The following OSR2 variants were observed in gnomAD, a reference collection of about 807,000 sequenced individuals.
OSR2 encodes the protein odd-skipped related transciption factor 2.
In OSR2, 8 loss-of-function variants were observed where a neutral mutation model predicts 22.3. The ratio of observed to expected loss-of-function variants is 0.36; its 90% CI spans 0.21 to 0.65. The LOEUF (loss-of-function observed/expected upper bound fraction) is 0.65, where lower values mean the gene tolerates loss of function less well. Ranked by LOEUF, OSR2 falls within the 30% of genes least tolerant of loss-of-function variation. OSR2 has a pLI of 0.66. For synonymous variants in OSR2, 179 were observed against 173.8 expected (o/e 1.03, Z -0.23); for missense variants, 311 against 413.4 (o/e 0.75, Z 2.15).
Position 98,948,158 on chromosome 8 carries a change from C to T in OSR2, c.-114-681C>T. 7 of 1,382,378 alleles carry T rather than the reference C, an allele frequency of 5.1e-6. No homozygotes were observed. Among genetic ancestry groups the T allele is most frequent in the Non-Finnish European group, 6.5e-6 (7 of 1,071,698 alleles). The allele number at this position is 1,382,378 out of a possible 1,614,324, so 85.6% of individuals were successfully genotyped here. A position where few individuals can be genotyped will look rare whatever the true frequency, so the allele number is the denominator to read the frequency against. On this transcript the variant is annotated intron_variant, in intron 1 of 3. Transcript: ENST00000297565. This position sits in a 1 kb window ranked among gnomAD's most constrained non-coding sequence, Gnocchi z 6.0. ...GGTGTCACTTTTCTTTCCTGCGGCC[C>T]GTCACCGCTGATAGATGGGGCTGAG...
chr8:98,948,356 T>C lies in OSR2; in HGVS notation c.-114-483T>C. On this transcript the variant is annotated intron_variant, in intron 1 of 3. Coordinates refer to ENST00000297565, the MANE Select transcript of OSR2 (RefSeq NM_001142462.3). The surrounding 1 kb of genome is among the most constrained non-coding windows in gnomAD (Gnocchi z 6.0). The stretch of plus-strand genomic sequence containing the variant: ...CAGGGCGCGGCGGCAGCGCAGCGCG[T>C]GGGATCTCACGACCCATCCGTTAAC... 6.6e-7 allele frequency: 1 copy of C among 1,518,806 alleles called. No homozygotes were observed. Among genetic ancestry groups the C allele is most frequent in the Non-Finnish European group, 8.8e-7 (1 of 1,137,046 alleles). 94.1% of individuals were successfully genotyped at this position (1,518,806 alleles called of 1,614,324 possible).
chr8:98,946,753 A>G (rs1840623758), intron 1 of OSR2, among the ~76,000 whole-genome samples: 1 of 152,016 alleles, frequency 6.6e-6, no homozygotes, highest in Admixed American at 6.6e-5. Flanking sequence ...CCACTCCCCC[A>G]CATGCCCGCT....
At chr8:98,946,708 A>G (rs1840622792) in intron 1 of OSR2, among the ~76,000 whole-genome samples, 1 of 152,214 alleles carries the variant, frequency 6.6e-6, no homozygotes, top group African/African-American at 2.4e-5. Flanking sequence ...CCTTTGGTAT[A>G]GAAATCACAG....
intron 2 of OSR2, 82 bp from the exon 3 acceptor site, chr8:98,950,574 G>A (rs1034993818): frequency 2.4e-6 from 2 of 820,490 alleles, no homozygotes; most frequent in South Asian, 1.8e-5. Context: ...GTTCTTCCAC[G>A]ACTTCCTTTT....
intron 1 of OSR2, among the ~76,000 whole-genome samples, chr8:98,947,880 C>T (rs1028692790): frequency 6.6e-6 from 1 of 152,214 alleles, no homozygotes; most frequent in African/African-American, 2.4e-5. Flanking sequence ...TCTCTCCTCT[C>T]TCGTCTCCTG....
Position 98,948,032 on chromosome 8 carries a change from C to T in OSR2, c.-114-807C>T, listed in dbSNP as rs1021913035. 4.8e-6 allele frequency: 5 copies of T among 1,035,922 alleles called. No homozygotes were observed. The highest frequency in any genetic ancestry group is 6.3e-6 in the Non-Finnish European group (5 of 795,696). 64.2% of individuals were successfully genotyped at this position (1,035,922 alleles called of 1,614,324 possible). Reference sequence around the variant, plus strand: ...GACGTTCTCCGCCCCCACCCCACCCCCTGGGAGCCTGAACCATCTGGAAGG... The same window carrying T: ...GACGTTCTCCGCCCCCACCCCACCCTCTGGGAGCCTGAACCATCTGGAAGG... On this transcript the variant is annotated intron_variant, in intron 1 of 3. Transcript: ENST00000297565. The surrounding 1 kb of genome is among the most constrained non-coding windows in gnomAD (Gnocchi z 6.0).
Position 98,948,923 on chromosome 8 carries a change from GT to G in OSR2, c.-29del, listed in dbSNP as rs1564124114. ...CTCTGATTCCTGGAAGAAAGGGTTG[GT>G]CCCCTCAGCACCCCCAGCATCCCGG... On this transcript the variant is annotated 5_prime_UTR_variant, in exon 2 of 4. Coordinates refer to ENST00000297565, the MANE Select transcript of OSR2 (RefSeq NM_001142462.3). The surrounding 1 kb of genome is among the most constrained non-coding windows in gnomAD (Gnocchi z 6.0). The G allele has an allele frequency of 2.5e-6, 4 of 1,613,734 alleles. No individual in the cohort carries two copies. Among genetic ancestry groups the G allele is most frequent in the Admixed American group, 1.7e-5 (1 of 60,034 alleles).
Position 98,949,336 on chromosome 8 carries a change from G to C in OSR2, c.384G>C (p.Glu128Asp), listed in dbSNP as rs202146539. The C allele has an allele frequency of 1.2e-6, 2 of 1,613,274 alleles. No homozygotes were observed. The highest frequency in any genetic ancestry group is 1.1e-5 in the South Asian group (1 of 90,930). The change falls in exon 2 of 4, where the codon GAG becomes GAC. Residue 128 changes from glutamate (E) to aspartate (D), a missense_variant. Physicochemically the swap from Glu to Asp is conservative, Grantham distance 45 (BLOSUM62 2). Transcript: ENST00000297565. The surrounding 1 kb of genome is among the most constrained non-coding windows in gnomAD (Gnocchi z 5.9). ...FANLAVAATQ[E>D]DPPKMGDLSK... ...ATTTGGCGGTGGCTGCCACGCAAGA[G>C]GATCCGCCTAAGATGGGAGACCTGA... is the stretch of plus-strand genomic sequence containing the variant.
At position 98,949,262 on chromosome 8, in the gene OSR2, C is replaced by G. The variant is rs770443927; in HGVS notation, c.310C>G (p.His104Asp). 3.7e-6 allele frequency: 6 copies of G among 1,609,516 alleles called. No homozygotes were observed. Among genetic ancestry groups the G allele is most frequent in the Non-Finnish European group, 5.1e-6 (6 of 1,176,882 alleles). ...CCACCCCAAGCAGGGGGCCATTGCC[C>G]ACGTCCTCCCAGCCCTGCACAAGGA... Reference protein sequence around the residue: ...LFHPKQGAIAHVLPALHKDRP... With the variant: ...LFHPKQGAIADVLPALHKDRP... The change falls in exon 2 of 4, where the codon CAC becomes GAC. Residue 104 changes from histidine (H) to aspartate (D), a missense_variant. Around this residue, in one of 5 missense-constraint regions of OSR2, gnomAD observed 146 missense variants for 160.5 expected, o/e 0.91. Transcript: ENST00000297565. This position sits in a 1 kb window ranked among gnomAD's most constrained non-coding sequence, Gnocchi z 5.9.
At chr8:98,946,691 C>T (rs915777357) in intron 1 of OSR2, among the ~76,000 whole-genome samples, 8 of 152,060 alleles carry the variant, frequency 5.3e-5, no homozygotes, top group African/African-American at 1.7e-4. Context: ...TGGCAGAGTT[C>T]GCTGTGCCTT....
In OSR2 at chr8:98,951,447, G is replaced by A; in HGVS notation, c.757-72G>A. ...ATGTTAACGCTTGTGATAACGATAA[G>A]ACAGAAACTATTGAAAAGGGTGCAG... On this transcript the variant is annotated intron_variant, in intron 3 of 3. Coordinates refer to ENST00000297565, the MANE Select transcript of OSR2 (RefSeq NM_001142462.3). 5.7e-6 allele frequency: 8 copies of A among 1,403,756 alleles called. No homozygotes were observed. In the South Asian group the frequency reaches 1.1e-4, roughly 19 times the overall value. 87.0% of individuals were successfully genotyped at this position (1,403,756 alleles called of 1,614,324 possible).
intron 1 of OSR2, among the ~76,000 whole-genome samples, chr8:98,947,325 G>T (rs1840636264): frequency 6.6e-6 from 1 of 151,574 alleles, no homozygotes; most frequent in African/African-American, 2.4e-5. Context: ...CATTAGCGTA[G>T]CCCCCTAAGT....
rs778214462 is a variant in OSR2 at position 98,951,886 on chromosome 8, C to G, written c.*185C>G. 3.3e-6 allele frequency: 2 copies of G among 600,336 alleles called. No homozygotes were observed. Among genetic ancestry groups the G allele is most frequent in the Non-Finnish European group, 5.9e-6 (2 of 340,462 alleles). 37.2% of individuals were successfully genotyped at this position (600,336 alleles called of 1,614,324 possible). A position where few individuals can be genotyped will look rare whatever the true frequency, so the allele number is the denominator to read the frequency against. On this transcript the variant is annotated 3_prime_UTR_variant, in exon 4 of 4. Transcript: ENST00000297565. ...GGACTGAGAACTGTAGAAAGCCACA[C>G]ACTACTACATCCCTTCACAAAGAGT...
intron 1 of OSR2, among the ~76,000 whole-genome samples, chr8:98,945,108 G>C (rs886990422): frequency 6.6e-6 from 1 of 152,196 alleles, no homozygotes; most frequent in Non-Finnish European, 1.5e-5. Context: ...GCTGGTCTAC[G>C]TACACTGAGA....
Position 98,949,037 on chromosome 8 carries a change from A to T in OSR2, c.85A>T (p.Thr29Ser). The part of the protein sequence containing the change: ...TNYSFLQAVN[T>S]FPATVDHLQG... ...TTACTCCTTCCTGCAGGCCGTGAAC[A>T]CCTTCCCGGCCACGGTGGACCACCT... Residue 29 changes from threonine (T) to serine (S), a missense_variant, in exon 2 of 4, where the codon ACC (threonine) becomes TCC (serine). Physicochemically the swap from Thr to Ser is moderately conservative, Grantham distance 58. Transcript: ENST00000297565. The surrounding 1 kb of genome is among the most constrained non-coding windows in gnomAD (Gnocchi z 5.9). The T allele has an allele frequency of 6.2e-7, 1 of 1,613,818 alleles. No homozygotes were observed. Among genetic ancestry groups the T allele is most frequent in the Non-Finnish European group, 8.5e-7 (1 of 1,179,864 alleles).
Position 98,948,171 on chromosome 8 carries a change from A to G in OSR2, c.-114-668A>G, listed in dbSNP as rs1328428860. On this transcript the variant is annotated intron_variant, in intron 1 of 3. Transcript: ENST00000297565. The surrounding 1 kb of genome is among the most constrained non-coding windows in gnomAD (Gnocchi z 6.0). ...TTTCCTGCGGCCCGTCACCGCTGAT[A>G]GATGGGGCTGAGGGCAGAGGAAGGA... 11 of 1,388,812 alleles carry G rather than the reference A, an allele frequency of 7.9e-6. 1 individual carries two copies. In the East Asian group the frequency reaches 2.9e-4, roughly 36 times the overall value. 86.0% of individuals were successfully genotyped at this position (1,388,812 alleles called of 1,614,324 possible).
chr8:98,949,798 G>A lies in OSR2; in HGVS notation c.656+190G>A, dbSNP rs1046231500. Among the ~76,000 whole-genome samples the A allele has an allele frequency of 2.0e-5, 3 of 152,166 alleles. No homozygotes were observed. Among genetic ancestry groups the A allele is most frequent in the Non-Finnish European group, 4.4e-5 (3 of 68,036 alleles). ...TCTTTCCCCCAGCGGCTCTTGCTAC[G>A]TTCTTGTTTGGAATGAGGGAGGGCC... On this transcript the variant is annotated intron_variant, in intron 2 of 3. Coordinates refer to ENST00000297565, the MANE Select transcript of OSR2 (RefSeq NM_001142462.3). The surrounding 1 kb of genome is among the most constrained non-coding windows in gnomAD (Gnocchi z 5.9).
Position 98,948,513 on chromosome 8 carries a change from C to CTGGGT in OSR2, c.-114-325_-114-321dup. 1 of 1,307,322 alleles carries CTGGGT rather than the reference C, an allele frequency of 7.6e-7. No homozygotes were observed. 81.0% of individuals were successfully genotyped at this position (1,307,322 alleles called of 1,614,324 possible). A position where few individuals can be genotyped will look rare whatever the true frequency, so the allele number is the denominator to read the frequency against. On this transcript the variant is annotated intron_variant, in intron 1 of 3. Transcript: ENST00000297565. The surrounding 1 kb of genome is among the most constrained non-coding windows in gnomAD (Gnocchi z 6.0). Reference sequence around the variant, plus strand: ...GTGGGCTGGGCTGGGCTGGGCTGGGCTGGGTGCTGCCCGGCTGTCCGCCTT... The same window carrying CTGGGT: ...GTGGGCTGGGCTGGGCTGGGCTGGGCTGGGTTGGGTGCTGCCCGGCTGTCCGCCTT...
At chr8:98,947,292 C>A (rs1840635330) in intron 1 of OSR2, among the ~76,000 whole-genome samples, 1 of 152,010 alleles carries the variant, frequency 6.6e-6, no homozygotes, top group Admixed American at 6.5e-5. Context: ...GCAGCCAGAT[C>A]CTGCCTTGCC....
Sources: allele counts gnomAD v4.1 joint callset (sites outside exome capture counted in the v4.1 genomes callset), GRCh38; gene constraint gnomAD v4.1.1; regional missense constraint gnomAD v4.1.1; non-coding constraint Gnocchi (gnomAD v3.1); transcripts MANE v1.5; gene names NCBI Gene and HGNC (gene_info 2026-07-23, HGNC 2026-07-21).